Variants in FCGRT observed in about 807,000 individuals in gnomAD.
The protein encoded by FCGRT is Fc gamma receptor and transporter, also known as IgG receptor FcRn large subunit p51.
A neutral mutation model predicts 35.7 loss-of-function variants in FCGRT; 13 were observed. The ratio of observed to expected loss-of-function variants is 0.36; its 90% CI spans 0.24 to 0.58. The LOEUF is 0.58. Among genes scored for constraint, FCGRT ranks in the 20% least tolerant of loss-of-function variants. FCGRT has a pLI of 0.77. For missense variants in FCGRT, 455 were observed against 474.9 expected (o/e 0.96, Z 0.39); for synonymous variants, 233 against 216.5 (o/e 1.08, Z -0.67).
chr19:49,523,522 C>T (rs1477477490), intron 4 of FCGRT, among the ~76,000 whole-genome samples: 1 of 152,032 alleles, frequency 6.6e-6, no homozygotes, highest in Non-Finnish European at 1.5e-5. Context: ...GAGTCGAGAT[C>T]GTGCCACTGC....
chr19:49,513,966 T>TG lies in FCGRT; in HGVS notation c.161dup (p.Gln56AlafsTer8). ...CCTGCCTTCTGGGTGTCCGGCTGGC[T>TG]GGGCCCGCAGCAGTACCTGAGCTAC... On this transcript the variant is annotated frameshift_variant, in exon 3 of 7. Coordinates refer to ENST00000221466, the MANE Select transcript of FCGRT (RefSeq NM_001136019.3). LOFTEE classifies it high-confidence loss of function. The TG allele has an allele frequency of 6.2e-7, 1 of 1,613,948 alleles. No homozygotes were observed.
In FCGRT at chr19:49,514,199, T is replaced by A. The variant is rs565083941; in HGVS notation, c.326-12T>A. 6.2e-7 allele frequency: 1 copy of A among 1,609,096 alleles called. No homozygotes were observed. Among genetic ancestry groups the A allele is most frequent in the Admixed American group, 1.7e-5 (1 of 59,458 alleles). ...CTCCGGGGCCCCGCTTACCTGTGTT[T>A]GGGCGCCCCAGGTCCCTACACTCTG... is the stretch of plus-strand genomic sequence containing the variant. On this transcript the variant is annotated splice_polypyrimidine_tract_variant and intron_variant, in intron 3 of 6. Coordinates refer to ENST00000221466, the MANE Select transcript of FCGRT (RefSeq NM_001136019.3).
rs2079993037 is a variant in FCGRT at position 49,514,296 on chromosome 19, C to T, written c.411C>T (p.Gly137=). The T allele has an allele frequency of 6.2e-7, 1 of 1,612,740 alleles. No homozygotes were observed. The highest frequency in any genetic ancestry group is 1.1e-5 in the South Asian group (1 of 90,776). Reference sequence around the variant, plus strand: ...CCACCGCCAAGTTCGCCCTGAACGGCGAGGAGTTCATGAATTTCGACCTCA... The same window carrying T: ...CCACCGCCAAGTTCGCCCTGAACGGTGAGGAGTTCATGAATTTCGACCTCA... ...SVPTAKFALN[G]EEFMNFDLKQ... The change falls in exon 4 of 7, where the codon GGC becomes GGT. Residue 137 remains glycine (G), a synonymous_variant. Coordinates refer to ENST00000221466, the MANE Select transcript of FCGRT (RefSeq NM_001136019.3).
Position 49,514,373 on chromosome 19 carries a change from G to T in FCGRT, c.488G>T (p.Arg163Leu), listed in dbSNP as rs1191034149. Residue 163 changes from arginine to leucine, a missense_variant, in exon 4 of 7, where the codon CGG becomes CTG. Coordinates refer to ENST00000221466, the MANE Select transcript of FCGRT (RefSeq NM_001136019.3). Reference sequence around the variant, plus strand: ...CCCGAGGCCCTGGCTATCAGTCAGCGGTGGCAGCAGCAGGACAAGGCGGCC... The same window carrying T: ...CCCGAGGCCCTGGCTATCAGTCAGCTGTGGCAGCAGCAGGACAAGGCGGCC... ...DWPEALAISQ[R>L]WQQQDKAANK... 1 of 1,612,776 alleles carries T rather than the reference G, an allele frequency of 6.2e-7. No individual in the cohort carries two copies. The highest frequency in any genetic ancestry group is 2.2e-5 in the East Asian group (1 of 44,846).
chr19:49,526,058 C>A lies in FCGRT; in HGVS notation c.1037C>A (p.Thr346Asn). ...GACGACACCGGGGTCCTCCTGCCCACCCCAGGGGAGGCCCAGGATGCTGAT... is the reference window on the plus strand; with the variant it reads ...GACGACACCGGGGTCCTCCTGCCCAACCCAGGGGAGGCCCAGGATGCTGAT... ...RGDDTGVLLPTPGEAQDADLK... is the reference protein window; with the variant it reads ...RGDDTGVLLPNPGEAQDADLK... Residue 346 changes from threonine (T) to asparagine (N), a missense_variant, in exon 7 of 7, where the codon ACC (threonine) becomes AAC (asparagine). By Grantham distance (65) the Thr-to-Asn change is moderately conservative (BLOSUM62 0). Coordinates refer to ENST00000221466, the MANE Select transcript of FCGRT (RefSeq NM_001136019.3). 1 of 1,613,626 alleles carries A rather than the reference C, an allele frequency of 6.2e-7. No homozygotes were observed. The highest frequency in any genetic ancestry group is 8.5e-7 in the Non-Finnish European group (1 of 1,179,676).
In FCGRT at chr19:49,514,326, G is replaced by C. The variant is rs760999604; in HGVS notation, c.441G>C (p.Gln147His). 16 of 1,613,580 alleles carry C rather than the reference G, an allele frequency of 9.9e-6. No homozygotes were observed. The highest frequency in any genetic ancestry group is 1.4e-5 in the Non-Finnish European group (16 of 1,179,868). Residue 147 changes from glutamine (Q) to histidine (H), a missense_variant, in exon 4 of 7, where the codon CAG (glutamine) becomes CAC (histidine). Physicochemically the swap from Gln to His is conservative, Grantham distance 24. This residue lies in a region of FCGRT where 312 missense variants were observed against 296.1 expected (regional missense o/e 1.05). Coordinates refer to ENST00000221466, the MANE Select transcript of FCGRT (RefSeq NM_001136019.3). ...GEEFMNFDLK[Q>H]GTWGGDWPEA... ...AGTTCATGAATTTCGACCTCAAGCA[G>C]GGCACCTGGGGTGGGGACTGGCCCG...
In FCGRT at chr19:49,522,818, C is replaced by T. The variant is rs192829137; in HGVS notation, c.602-1689C>T. ...TTTGAGATGGAGTCTCGCTCTGTCA[C>T]CCAGGCTGGAGTGCAGTGGCGCAAT... is the stretch of plus-strand genomic sequence containing the variant. On this transcript the variant is annotated intron_variant, in intron 4 of 6. Transcript: ENST00000221466. 5.8e-3 allele frequency among the ~76,000 whole-genome samples: 813 copies of T among 140,828 alleles called. 4 individuals carry two copies. Among genetic ancestry groups the T allele is most frequent in the Middle Eastern group, 0.016 (4 of 250 alleles). 92.4% of individuals were successfully genotyped at this position (140,828 alleles called of 152,430 possible). A position where few individuals can be genotyped will look rare whatever the true frequency, so the allele number is the denominator to read the frequency against.
rs527296478 is a variant in FCGRT, at chr19:49,519,270, C to G, written c.601+4784C>G. ...TAACTTTGATGAAATCCAGTTTATTCTTTTTTTTTTTTCTATCGTGGATTA... is the reference window on the plus strand; with the variant it reads ...TAACTTTGATGAAATCCAGTTTATTGTTTTTTTTTTTTCTATCGTGGATTA... On this transcript the variant is annotated intron_variant, in intron 4 of 6. Coordinates refer to ENST00000221466, the MANE Select transcript of FCGRT (RefSeq NM_001136019.3). Among the ~76,000 whole-genome samples the G allele has an allele frequency of 6.4e-4, 94 of 146,114 alleles. 3 individuals carry two copies. Among genetic ancestry groups the G allele is most frequent in the Admixed American group, 6.2e-3 (91 of 14,614 alleles).
rs2079985133 is a variant in FCGRT at position 49,513,383 on chromosome 19, C to T, written c.-14-4C>T. ...GAGGAGTCACGTGCCCCCTCCCGCC[C>T]CAGGTCGTCCTCTCAGCATGGGGGT... On this transcript the variant is annotated splice_polypyrimidine_tract_variant and splice_region_variant and intron_variant, in intron 1 of 6. Transcript: ENST00000221466. The T allele has an allele frequency of 1.6e-6, 2 of 1,238,400 alleles. No individual in the cohort carries two copies. The highest frequency in any genetic ancestry group is 3.1e-5 in the African/African-American group (2 of 64,148). The allele number at this position is 1,238,400 out of a possible 1,614,324, so 76.7% of individuals were successfully genotyped here. A position where few individuals can be genotyped will look rare whatever the true frequency, so the allele number is the denominator to read the frequency against.
intron 1 of FCGRT, 23 bp from the exon 2 acceptor site, chr19:49,513,364 T>TGG: frequency 2.9e-6 from 2 of 683,378 alleles, no homozygotes; most frequent in Non-Finnish European, 3.8e-6. Context: ...TCGGGAGGAG[T>TGG]CACGTGCCCC....
chr19:49,513,116 G>T, intron 1 of FCGRT: 1 of 264,252 alleles, frequency 3.8e-6, no homozygotes, highest in East Asian at 6.5e-5. Flanking sequence ...GGGTCTGAGG[G>T]AGGAGGGGCT....
At position 49,525,445 on chromosome 19, in the gene FCGRT, C is replaced by G; in HGVS notation, c.872-12C>G. The stretch of plus-strand genomic sequence containing the variant: ...GGGCTGCTCCACATCTCACAGCGTT[C>G]TCTGGCTGCAGAATCTCCAGCCAAG... On this transcript the variant is annotated splice_polypyrimidine_tract_variant and intron_variant, in intron 5 of 6. Coordinates refer to ENST00000221466, the MANE Select transcript of FCGRT (RefSeq NM_001136019.3). The G allele has an allele frequency of 6.2e-7, 1 of 1,605,050 alleles. No individual in the cohort carries two copies. The highest frequency in any genetic ancestry group is 1.1e-5 in the South Asian group (1 of 90,868).
At chr19:49,518,360 CTTT>C (rs56352202) in intron 4 of FCGRT, among the ~76,000 whole-genome samples, 1 of 132,992 alleles carries the variant, frequency 7.5e-6, no homozygotes. Context: ...TTCTTTCTTT[CTTT>C]TTTTTTTTTT....
chr19:49,525,197 C>T, intron 5 of FCGRT: 1 of 521,540 alleles, frequency 1.9e-6, no homozygotes, highest in Non-Finnish European at 3.6e-6. Context: ...GCCTGCCTCT[C>T]CCCACTGCAC....
At chr19:49,522,705 T>G (rs1282210445) in intron 4 of FCGRT, among the ~76,000 whole-genome samples, 1 of 151,260 alleles carries the variant, frequency 6.6e-6, no homozygotes, top group Admixed American at 6.6e-5. Context: ...GCGCCAGGAT[T>G]CTAGGTGTGA....
intron 4 of FCGRT, among the ~76,000 whole-genome samples, chr19:49,523,554 C>T (rs1021190584): frequency 4.6e-5 from 7 of 151,546 alleles, no homozygotes; most frequent in African/African-American, 1.5e-4. Flanking sequence ...GGTGACAGAG[C>T]GAGACTCTTA....
chr19:49,522,494 C>A (rs2080047019), intron 4 of FCGRT, among the ~76,000 whole-genome samples: 2 of 151,802 alleles, frequency 1.3e-5, no homozygotes. Flanking sequence ...TGCAATGGTG[C>A]AATCTTGGCT....
At chr19:49,525,412 G>T (rs765674997) in intron 5 of FCGRT, 45 bp from the exon 6 acceptor site, 6 of 1,398,120 alleles carry the variant, frequency 4.3e-6, no homozygotes, top group Middle Eastern at 3.6e-4. Context: ...TGACTGGGTG[G>T]GGTGGAGGGG....
rs150420714 is a variant in FCGRT at position 49,514,281 on chromosome 19, G to C, written c.396G>C (p.Lys132Asn). 7.3e-3 allele frequency: 11,812 copies of C among 1,611,934 alleles called. 50 individuals are homozygous for C. The highest frequency in any genetic ancestry group is 8.0e-3 in the Non-Finnish European group (9,378 of 1,179,206). ...GPDNTSVPTA[K>N]FALNGEEFMN... ...ACAACACCTCGGTGCCCACCGCCAA[G>C]TTCGCCCTGAACGGCGAGGAGTTCA... Residue 132 changes from lysine to asparagine, a missense_variant, in exon 4 of 7, where the codon AAG (lysine) becomes AAC (asparagine). By Grantham distance (94) the Lys-to-Asn change is moderately conservative. Coordinates refer to ENST00000221466, the MANE Select transcript of FCGRT (RefSeq NM_001136019.3).
Sources: allele counts gnomAD v4.1 joint callset (sites outside exome capture counted in the v4.1 genomes callset), GRCh38; gene constraint gnomAD v4.1.1; regional missense constraint gnomAD v4.1.1; transcripts MANE v1.5; gene names NCBI Gene and HGNC (gene_info 2026-07-23, HGNC 2026-07-21).